KCNMA1: variants seen among roughly 807,000 people sequenced by gnomAD.
The protein encoded by KCNMA1 is potassium calcium-activated channel subfamily M alpha 1.
In KCNMA1, 29 loss-of-function variants were observed where a neutral mutation model predicts 140.0. That is an observed-to-expected ratio of 0.21 (90% CI 0.15 to 0.28). KCNMA1 has a LOEUF of 0.28. KCNMA1 is among the 10% of genes least tolerant of loss of function. The probability of loss-of-function intolerance (pLI) is 1.00; values close to 1 mark genes in which losing one functional copy is unlikely to be tolerated. For synonymous variants in KCNMA1, 612 were observed against 611.9 expected (o/e 1.00, Z 0.00); for missense variants, 880 against 1,602.2 (o/e 0.55, Z 7.70).
intron 15 of KCNMA1, 122 bp from the exon 16 acceptor site, chr10:77,028,013 C>T (rs1226913336): frequency 2.4e-5 from 21 of 865,732 alleles, no homozygotes; most frequent in African/African-American, 2.3e-4. Context: ...CTCATTCCAC[C>T]GGCACTGTGC....
intron 1 of KCNMA1, among the ~76,000 whole-genome samples, chr10:77,617,069 T>C (rs1279910690): frequency 6.6e-6 from 1 of 152,198 alleles, no homozygotes; most frequent in Non-Finnish European, 1.5e-5. Context: ...CATTGGATTT[T>C]AGAAAGGCAA....
intron 5 of KCNMA1, among the ~76,000 whole-genome samples, chr10:77,138,669 C>G (rs1414636133): frequency 6.6e-6 from 1 of 152,206 alleles, no homozygotes; most frequent in African/African-American, 2.4e-5. Context: ...GCATCCATCT[C>G]ACTAAAATTA....
chr10:77,441,978 G>A (rs2097413419), intron 1 of KCNMA1, among the ~76,000 whole-genome samples: 1 of 152,282 alleles, frequency 6.6e-6, no homozygotes, highest in East Asian at 1.9e-4. Context: ...CTTCAGAACT[G>A]TCCTGGATGA....
chr10:77,434,160 C>T (rs367957572), intron 1 of KCNMA1, among the ~76,000 whole-genome samples: 1 of 152,218 alleles, frequency 6.6e-6, no homozygotes, highest in African/African-American at 2.4e-5. Context: ...CTCAGGCCAG[C>T]GCTACAGCCT....
chr10:77,297,940 G>T (rs2075618573), intron 2 of KCNMA1, among the ~76,000 whole-genome samples: 1 of 152,152 alleles, frequency 6.6e-6, no homozygotes, highest in South Asian at 2.1e-4. Flanking sequence ...AGGAGCAACA[G>T]CAAAAGTTGC....
At chr10:77,563,008 A>G (rs989701057) in intron 1 of KCNMA1, among the ~76,000 whole-genome samples, 1 of 151,940 alleles carries the variant, frequency 6.6e-6, no homozygotes, top group Non-Finnish European at 1.5e-5. Context: ...GAAATTTTCC[A>G]TTCTTGATCT....
chr10:76,883,891 A>G (rs1331881427), downstream of KCNMA1: 1 of 462,616 alleles, frequency 2.2e-6, no homozygotes, highest in African/African-American at 2.1e-5. Flanking sequence ...TAAGGAAAGT[A>G]TAATATAGTA....
At chr10:77,235,627 T>C (rs774396871) in intron 3 of KCNMA1, among the ~76,000 whole-genome samples, 51 of 152,174 alleles carry the variant, frequency 3.4e-4, no homozygotes, top group Non-Finnish European at 4.3e-4. Context: ...AGCCCGGGTA[T>C]GCAGAGGAGC....
intron 1 of KCNMA1, among the ~76,000 whole-genome samples, chr10:77,450,033 T>A (rs991677797): frequency 6.6e-6 from 1 of 152,184 alleles, no homozygotes; most frequent in African/African-American, 2.4e-5. Flanking sequence ...CACTGCAGCC[T>A]CCAACTCCTG....
chr10:77,519,492 T>C (rs1345322479), intron 1 of KCNMA1, among the ~76,000 whole-genome samples: 2 of 93,156 alleles, frequency 2.1e-5, no homozygotes, highest in Non-Finnish European at 4.0e-5. Flanking sequence ...GAGAAGATAA[T>C]TGATTTTTTT....
chr10:77,584,387 G>A (rs34629886), intron 1 of KCNMA1, among the ~76,000 whole-genome samples: 35,674 of 152,066 alleles, frequency 0.23, 4,338 homozygotes, highest in Middle Eastern at 0.32. Context: ...ACTAAGTCTC[G>A]CTCTGTTGCC....
chr10:77,611,217 G>A (rs2086731283), intron 1 of KCNMA1, among the ~76,000 whole-genome samples: 1 of 152,166 alleles, frequency 6.6e-6, no homozygotes, highest in South Asian at 2.1e-4. Context: ...ATAATCCCTG[G>A]CTTCAGCCAG....
chr10:77,261,338 T>A (rs1371236096), intron 2 of KCNMA1, among the ~76,000 whole-genome samples: 1 of 152,148 alleles, frequency 6.6e-6, no homozygotes, highest in African/African-American at 2.4e-5. Flanking sequence ...TCTCATTTTT[T>A]AATGCTCCCC....
intron 2 of KCNMA1, among the ~76,000 whole-genome samples, chr10:77,317,723 T>C (rs1278985231): frequency 6.6e-6 from 1 of 152,264 alleles, no homozygotes; most frequent in Non-Finnish European, 1.5e-5. Context: ...ACAAGGCCGC[T>C]GTACATTTCA....
intron 1 of KCNMA1, among the ~76,000 whole-genome samples, chr10:77,625,952 C>T (rs1231551806): frequency 6.6e-6 from 1 of 152,088 alleles, no homozygotes; most frequent in Non-Finnish European, 1.5e-5. Context: ...ATCTGTACCA[C>T]TTTGCATTCC....
At chr10:77,361,756 G>A (rs1242715736) in intron 2 of KCNMA1, among the ~76,000 whole-genome samples, 2 of 152,204 alleles carry the variant, frequency 1.3e-5, no homozygotes, top group East Asian at 3.9e-4. Flanking sequence ...TCTGCGGCCT[G>A]GCAGGACAGG....
At chr10:77,114,949 A>G (rs1564622827) in intron 6 of KCNMA1, among the ~76,000 whole-genome samples, 1 of 152,140 alleles carries the variant, frequency 6.6e-6, no homozygotes, top group South Asian at 2.1e-4. Flanking sequence ...TGGAGAACCA[A>G]TGATTTAAAT....
chr10:77,500,400 T>C (rs542532790), intron 1 of KCNMA1, among the ~76,000 whole-genome samples: 1 of 152,270 alleles, frequency 6.6e-6, no homozygotes, highest in East Asian at 1.9e-4. Flanking sequence ...GTAATCCCAC[T>C]GCTTTGGGAG....
intron 1 of KCNMA1, among the ~76,000 whole-genome samples, chr10:77,501,330 C>A (rs2043797685): frequency 6.6e-6 from 1 of 152,164 alleles, no homozygotes; most frequent in Non-Finnish European, 1.5e-5. Flanking sequence ...CAGAGCTGTG[C>A]CTCCAGCCCC....
Sources: allele counts gnomAD v4.1 joint callset (sites outside exome capture counted in the v4.1 genomes callset), GRCh38; gene constraint gnomAD v4.1.1; transcripts MANE v1.5; gene names NCBI Gene and HGNC (gene_info 2026-07-23, HGNC 2026-07-21).